Variants in HEATR5B observed in about 807,000 individuals in gnomAD.
The protein encoded by HEATR5B is HEAT repeat-containing protein 5B.
HEATR5B carries 156 observed loss-of-function variants against 224.1 expected under a neutral mutation model. The observed-to-expected ratio is 0.70, with a 90% CI of 0.61 to 0.80. The LOEUF (loss-of-function observed/expected upper bound fraction) is 0.80. Ranked by LOEUF, HEATR5B falls within the 30% of genes least tolerant of loss-of-function variation. HEATR5B has a pLI of 0.00. For missense variants in HEATR5B, 2,323 were observed against 2,535.5 expected (o/e 0.92, Z 1.80); for synonymous variants, 1,027 against 893.0 (o/e 1.15, Z -2.68).
chr2:37,000,559 C>G lies in HEATR5B; in HGVS notation c.5545+27G>C, dbSNP rs753174669. ...CTTAGGGAACACATATCCTAACTAA[C>G]TAAAACGTTTAAAACTGATAGGTTA... On this transcript the variant is annotated intron_variant, in intron 33 of 35. Transcript: ENST00000233099. 2.5e-6 allele frequency: 4 copies of G among 1,588,768 alleles called. No individual in the cohort carries two copies. In the Admixed American group the frequency reaches 6.7e-5, roughly 26 times the overall value.
chr2:37,032,578 A>C lies in HEATR5B; in HGVS notation c.3361+51T>G, dbSNP rs374020361. 485 of 1,464,632 alleles carry C rather than the reference A, an allele frequency of 3.3e-4. No individual in the cohort carries two copies. The highest frequency in any genetic ancestry group is 4.3e-4 in the Non-Finnish European group (455 of 1,064,360). The allele number at this position is 1,464,632 out of a possible 1,614,324, so 90.7% of individuals were successfully genotyped here. Reference sequence around the variant, plus strand: ...TATTTGATAAATAGTACTTAACTGAAATGTAAAAGTAGTTAAACAAAAAAC... The same window carrying C: ...TATTTGATAAATAGTACTTAACTGACATGTAAAAGTAGTTAAACAAAAAAC... On this transcript the variant is annotated intron_variant, in intron 22 of 35. Coordinates refer to ENST00000233099, the MANE Select transcript of HEATR5B (RefSeq NM_019024.3).
Position 37,049,850 on chromosome 2 carries a change from TAAAAAAAAAA to T in HEATR5B, c.2506-17_2506-8del. ...TTTTGTTTTCAGCTAAGCCCTACAT[TAAAAAAAAAA>T]AAAAAAAAAAGACAGCAATTCATAA... On this transcript the variant is annotated splice_polypyrimidine_tract_variant and splice_region_variant and intron_variant, in intron 17 of 35. Transcript: ENST00000233099. The T allele has an allele frequency of 1.0e-6, 1 of 1,000,680 alleles. No homozygotes were observed. Among genetic ancestry groups the T allele is most frequent in the Non-Finnish European group, 1.3e-6 (1 of 789,582 alleles). The allele number at this position is 1,000,680 out of a possible 1,614,324, so 62.0% of individuals were successfully genotyped here.
Position 37,072,509 on chromosome 2 carries a change from G to C in HEATR5B, c.598-228C>G, listed in dbSNP as rs542203546. On this transcript the variant is annotated intron_variant, in intron 5 of 35. Coordinates refer to ENST00000233099, the MANE Select transcript of HEATR5B (RefSeq NM_019024.3). ...GCCTACTGCCTTGAGAGAGTTTCTA[G>C]TTAGGGAGAAACATGTAACACTAAA... 2.0e-5 allele frequency among the ~76,000 whole-genome samples: 3 copies of C among 152,256 alleles called. No individual in the cohort carries two copies. In the East Asian group the frequency reaches 5.8e-4, roughly 29 times the overall value.
chr2:37,006,132 G>C (rs1388177845), intron 29 of HEATR5B, among the ~76,000 whole-genome samples: 1 of 151,768 alleles, frequency 6.6e-6, no homozygotes, highest in Non-Finnish European at 1.5e-5. Flanking sequence ...TGCATACAAA[G>C]TTTTTAAATG....
At chr2:37,034,683 T>A (rs574447512) in intron 21 of HEATR5B, among the ~76,000 whole-genome samples, 2 of 146,662 alleles carry the variant, frequency 1.4e-5, no homozygotes, top group East Asian at 4.3e-4. Context: ...CACATCTTAC[T>A]GCAGCCTCAA....
chr2:37,012,202 CGT>C (rs1407194835), intron 27 of HEATR5B, among the ~76,000 whole-genome samples: 31 of 152,004 alleles, frequency 2.0e-4, no homozygotes, highest in Non-Finnish European at 1.5e-5. Context: ...TGTGTGCGTG[CGT>C]GTGTGTATAA....
chr2:37,060,104 G>A (rs891988767), intron 12 of HEATR5B, among the ~76,000 whole-genome samples: 8 of 152,116 alleles, frequency 5.3e-5, no homozygotes, highest in South Asian at 4.1e-4. Flanking sequence ...AACTGTATCC[G>A]TTATTTTTGT....
At chr2:36,988,899 G>C (rs1666131184) in intron 34 of HEATR5B, 40 bp from the exon 35 acceptor site, 2 of 1,435,506 alleles carry the variant, frequency 1.4e-6, no homozygotes, top group Non-Finnish European at 2.0e-6. Flanking sequence ...CATGTGTATA[G>C]TTCTTATTTG....
chr2:36,985,995 C>T (rs889550245), intron 35 of HEATR5B, among the ~76,000 whole-genome samples: 4 of 151,932 alleles, frequency 2.6e-5, no homozygotes, highest in African/African-American at 9.7e-5. Flanking sequence ...AAAAAGTTCC[C>T]TTCCCTATCT....
At chr2:37,050,023 T>TA (rs1229272901) in intron 17 of HEATR5B, among the ~76,000 whole-genome samples, 180 bp from the exon 18 acceptor site, 1 of 151,918 alleles carries the variant, frequency 6.6e-6, no homozygotes, top group Non-Finnish European at 1.5e-5. Flanking sequence ...CCTGAGTAGC[T>TA]GGGACTATAG....
intron 8 of HEATR5B, among the ~76,000 whole-genome samples, chr2:37,067,091 G>A (rs1671634443): frequency 6.6e-6 from 1 of 152,056 alleles, no homozygotes; most frequent in African/African-American, 2.4e-5. Context: ...GGCTGTTTTT[G>A]AAGAACTCCT....
intron 14 of HEATR5B, 72 bp from the exon 15 acceptor site, chr2:37,057,552 A>G: frequency 1.0e-6 from 1 of 976,630 alleles, no homozygotes; most frequent in Non-Finnish European, 1.5e-6. Context: ...GCCCACAAAG[A>G]GCTGCAACAT....
chr2:36,997,928 T>A (rs1334177463), intron 33 of HEATR5B, among the ~76,000 whole-genome samples: 1 of 152,246 alleles, frequency 6.6e-6, no homozygotes, highest in African/African-American at 2.4e-5. Flanking sequence ...GTTTAAAACA[T>A]TTTATGTTAT....
chr2:37,026,046 T>C (rs1309373156), intron 24 of HEATR5B, among the ~76,000 whole-genome samples: 2 of 152,160 alleles, frequency 1.3e-5, no homozygotes, highest in African/African-American at 2.4e-5. Context: ...GTCTAAAACA[T>C]GGAGACTGGC....
In HEATR5B at chr2:37,028,119, T is replaced by C. The variant is rs199899468; in HGVS notation, c.3657A>G (p.Lys1219=). The C allele has an allele frequency of 4.4e-5, 71 of 1,612,072 alleles. No homozygotes were observed. Among genetic ancestry groups the C allele is most frequent in the Non-Finnish European group, 5.9e-5 (70 of 1,178,082 alleles). The change falls in exon 24 of 36, where the codon AAA becomes AAG. Residue 1219 remains lysine (K), a synonymous_variant. Transcript: ENST00000233099. The part of the protein sequence containing the change: ...SSGKDEEAEK[K]DEMDDDTMFT... ...ACATGGTATCATCATCCATCTCATC[T>C]TTCTTTTCAGCTTCTTCATCTTTTC...
At chr2:37,054,192 G>T (rs6727181) in intron 16 of HEATR5B, among the ~76,000 whole-genome samples, 9,398 of 30,032 alleles carry the variant, frequency 0.31, 1,157 homozygotes, top group African/African-American at 0.54. Context: ...TGATTTCTCT[G>T]TTTTTTTTTT....
chr2:37,053,152 T>A (rs1670666519), intron 17 of HEATR5B, among the ~76,000 whole-genome samples: 1 of 152,246 alleles, frequency 6.6e-6, no homozygotes, highest in Admixed American at 6.5e-5. Context: ...CTGCCTCACA[T>A]GATTTGTGGC....
chr2:37,023,751 T>C (rs1231718651), intron 24 of HEATR5B, among the ~76,000 whole-genome samples: 1 of 151,930 alleles, frequency 6.6e-6, no homozygotes, highest in Non-Finnish European at 1.5e-5. Flanking sequence ...GCACTTACCT[T>C]GGGTGACAGA....
chr2:37,079,084 A>T (rs781597133), intron 3 of HEATR5B, 36 bp downstream of exon 3: 3 of 1,328,406 alleles, frequency 2.3e-6, no homozygotes, highest in Non-Finnish European at 3.1e-6. Flanking sequence ...AAGAAAAAAT[A>T]AAACTTCAAG....
Sources: gnomAD v4.1 joint callset for allele counts (sites outside exome capture counted in the v4.1 genomes callset) on GRCh38, gnomAD v4.1.1 for gene constraint, MANE v1.5 for transcripts, NCBI Gene and HGNC (gene_info 2026-07-23, HGNC 2026-07-21) for gene names.